Variants in STPG2 observed in about 807,000 individuals in gnomAD.
STPG2 encodes the protein sperm tail PG-rich repeat containing 2.
STPG2 carries 56 observed loss-of-function variants against 54.2 expected under a neutral mutation model. The observed-to-expected ratio is 1.03, with a 90% CI of 0.83 to 1.29. The LOEUF (loss-of-function observed/expected upper bound fraction) is 1.29, where lower values mean the gene tolerates loss of function less well. STPG2 is among the 50% of genes most tolerant of loss of function. The pLI is 0.00. For missense variants in STPG2, 596 were observed against 544.9 expected, an observed-to-expected ratio of 1.09 and a Z score of -0.93; for synonymous variants, 200 against 181.8, an observed-to-expected ratio of 1.10 and a Z score of -0.81.
intron 9 of STPG2, among the ~76,000 whole-genome samples, chr4:97,734,411 C>T (rs1387080388): frequency 1.3e-5 from 2 of 152,116 alleles, no homozygotes; most frequent in South Asian, 2.1e-4. Context: ...TGATTCTCTC[C>T]CTCCTCCCAA....
At chr4:97,892,425 G>T (rs1350756301) in intron 8 of STPG2, among the ~76,000 whole-genome samples, 1 of 152,042 alleles carries the variant, frequency 6.6e-6, no homozygotes, top group East Asian at 1.9e-4. Flanking sequence ...ATAGTTACAA[G>T]TTCCTAATAC....
At chr4:97,669,893 C>T (rs1722645692) in intron 10 of STPG2, among the ~76,000 whole-genome samples, 1 of 151,810 alleles carries the variant, frequency 6.6e-6, no homozygotes, top group Non-Finnish European at 1.5e-5. Context: ...AAAAGAGTTA[C>T]AGTAAAGCAA....
intron 5 of STPG2, among the ~76,000 whole-genome samples, chr4:98,004,000 G>C (rs1290442498): frequency 1.3e-5 from 2 of 148,588 alleles, no homozygotes; most frequent in Non-Finnish European, 3.0e-5. Context: ...AACTACGTGT[G>C]TGTGTGTATG....
chr4:97,493,160 C>T (rs1319126158), intron 4 of STPG2, among the ~76,000 whole-genome samples: 2 of 150,694 alleles, frequency 1.3e-5, no homozygotes, highest in African/African-American at 2.4e-5. Flanking sequence ...AAGAGTAAAA[C>T]GTCGGTTATT....
chr4:97,473,610 C>T (rs1249429157), intron 4 of STPG2, among the ~76,000 whole-genome samples: 3 of 152,116 alleles, frequency 2.0e-5, no homozygotes, highest in African/African-American at 7.2e-5. Flanking sequence ...CCTGTGATCT[C>T]GCCCTGCCAT....
intron 9 of STPG2, among the ~76,000 whole-genome samples, chr4:97,834,336 C>T (rs1366449717): frequency 3.3e-5 from 5 of 152,138 alleles, no homozygotes; most frequent in Admixed American, 1.3e-4. Context: ...GGCAGGAGAA[C>T]ATCACACACC....
intron 4 of STPG2, among the ~76,000 whole-genome samples, chr4:97,476,723 C>T (rs1730081516): frequency 6.6e-6 from 1 of 151,958 alleles, no homozygotes; most frequent in Non-Finnish European, 1.5e-5. Context: ...AGGACAGGTC[C>T]CTGAATTTTG....
intron 5 of STPG2, among the ~76,000 whole-genome samples, chr4:98,002,955 T>C (rs1207806568): frequency 6.6e-6 from 1 of 152,100 alleles, no homozygotes; most frequent in Admixed American, 6.6e-5. Flanking sequence ...AGAAGGATAA[T>C]ATTGTTTGCA....
At chr4:98,099,710 G>A (rs530134402) in intron 5 of STPG2, among the ~76,000 whole-genome samples, 40 of 152,160 alleles carry the variant, frequency 2.6e-4, no homozygotes, top group Admixed American at 1.2e-3. Flanking sequence ...TTGCATGCCT[G>A]TATCAAAACA....
intron 10 of STPG2, among the ~76,000 whole-genome samples, chr4:97,584,855 A>T (rs893860431): frequency 5.3e-5 from 8 of 151,926 alleles, no homozygotes; most frequent in Admixed American, 2.6e-4. Flanking sequence ...AGGTAGCAAG[A>T]TTAAAATAGT....
At chr4:98,030,900 G>A (rs1477514359) in intron 5 of STPG2, among the ~76,000 whole-genome samples, 1 of 151,918 alleles carries the variant, frequency 6.6e-6, no homozygotes, top group Non-Finnish European at 1.5e-5. Context: ...ATAGATTAAA[G>A]ACTTAAATTT....
At chr4:97,892,169 C>T (rs1326352881) in intron 8 of STPG2, among the ~76,000 whole-genome samples, 2 of 152,060 alleles carry the variant, frequency 1.3e-5, no homozygotes, top group African/African-American at 4.8e-5. Context: ...CAGACAAAAG[C>T]AAGTTCAAGC....
Position 97,851,422 on chromosome 4 carries a change from T to C in STPG2, c.1045-10490A>G, listed in dbSNP as rs368617107. On this transcript the variant is annotated intron_variant, in intron 8 of 10. Transcript: ENST00000295268. Reference sequence around the variant, plus strand: ...TCTTCCATGACAGTAGGGCTGACACTATGCCTTGAAAGTATTTTCAACCCA... The same window carrying C: ...TCTTCCATGACAGTAGGGCTGACACCATGCCTTGAAAGTATTTTCAACCCA... 3.3e-5 allele frequency among the ~76,000 whole-genome samples: 5 copies of C among 152,234 alleles called. No individual in the cohort carries two copies. The East Asian group carries it at 9.6e-4, about 29-fold the overall frequency.
intron 9 of STPG2, among the ~76,000 whole-genome samples, chr4:97,747,465 C>T (rs1184131090): frequency 6.6e-6 from 1 of 151,356 alleles, no homozygotes; most frequent in African/African-American, 2.4e-5. Context: ...TAATTTCTGT[C>T]CCAATTTTTT....
At chr4:97,654,450 T>C (rs1342116148) in intron 10 of STPG2, among the ~76,000 whole-genome samples, 1 of 152,062 alleles carries the variant, frequency 6.6e-6, no homozygotes, top group Non-Finnish European at 1.5e-5. Context: ...AGGTTTGATA[T>C]GCATCAATCC....
chr4:97,949,924 T>C (rs905336165), intron 7 of STPG2, among the ~76,000 whole-genome samples: 1 of 152,186 alleles, frequency 6.6e-6, no homozygotes, highest in Non-Finnish European at 1.5e-5. Flanking sequence ...ACATGAGTTC[T>C]TTGACTTTCT....
chr4:97,583,543 T>C (rs1001401512), intron 10 of STPG2, among the ~76,000 whole-genome samples: 4 of 88,116 alleles, frequency 4.5e-5, no homozygotes, highest in African/African-American at 1.1e-4. Flanking sequence ...CTGCTTCTCA[T>C]AGTCAACTTA....
At chr4:97,539,523 G>A (rs1731637760) in intron 4 of STPG2, among the ~76,000 whole-genome samples, 2 of 152,224 alleles carry the variant, frequency 1.3e-5, no homozygotes, top group South Asian at 4.1e-4. Flanking sequence ...CCCAATACAG[G>A]AGCACCCAGA....
intron 10 of STPG2, among the ~76,000 whole-genome samples, chr4:97,666,872 TCCA>T (rs1192191133): frequency 2.6e-5 from 4 of 152,122 alleles, no homozygotes; most frequent in African/African-American, 9.7e-5. Flanking sequence ...GCTCATTTCA[TCCA>T]CCACCAGAAC....
Sources: gnomAD v4.1 joint callset for allele counts (sites outside exome capture counted in the v4.1 genomes callset) on GRCh38, gnomAD v4.1.1 for gene constraint, MANE v1.5 for transcripts, NCBI Gene and HGNC (gene_info 2026-07-23, HGNC 2026-07-21) for gene names.